Variants in ESRRG observed in about 807,000 individuals in gnomAD.
ESRRG encodes the protein estrogen-related receptor gamma.
In ESRRG, 13 loss-of-function variants were observed where a neutral mutation model predicts 44.0. That is an observed-to-expected ratio of 0.30 (90% CI 0.19 to 0.47). The LOEUF is 0.47. Among genes scored for constraint, ESRRG ranks in the 20% least tolerant of loss-of-function variants. ESRRG has a pLI of 1.00. For missense variants in ESRRG, 395 were observed against 580.6 expected (o/e 0.68, Z 3.29); for synonymous variants, 215 against 214.6 (o/e 1.00, Z -0.02).
At chr1:216,926,752 CT>C (rs1433785029) in intron 2 of ESRRG, among the ~76,000 whole-genome samples, 1 of 152,124 alleles carries the variant, frequency 6.6e-6, no homozygotes, top group Non-Finnish European at 1.5e-5. Flanking sequence ...AATATTTCCC[CT>C]GGGGGATCTG....
chr1:217,085,481 A>ATTTTTTTTTTTTTTTTTTTTT (rs148354268), intron 1 of ESRRG, among the ~76,000 whole-genome samples: 1 of 49,130 alleles, frequency 2.0e-5, no homozygotes, highest in African/African-American at 9.2e-5. Flanking sequence ...TTTTCTTTTC[A>ATTTTTTTTTTTTTTTTTTTTT]TTTTTTTTTT....
At position 217,065,465 on chromosome 1, in the gene ESRRG, T is replaced by C. The variant is rs1335309452; in HGVS notation, c.-106+24042A>G. 3.9e-5 allele frequency among the ~76,000 whole-genome samples: 6 copies of C among 152,372 alleles called. No individual in the cohort carries two copies. The East Asian group carries it at 1.2e-3, about 29-fold the overall frequency. On this transcript the variant is annotated intron_variant, in intron 1 of 7. Transcript: ENST00000359162. ...CTTAGAGAAATTTTACCCATTTCTC[T>C]TTCAAACATGAGGTTTCAGTGGATC...
At chr1:216,848,682 C>T (rs899707926) in intron 2 of ESRRG, among the ~76,000 whole-genome samples, 1 of 152,002 alleles carries the variant, frequency 6.6e-6, no homozygotes, top group Non-Finnish European at 1.5e-5. Flanking sequence ...TGTTGCCTAC[C>T]AATTTGCAGC....
intron 2 of ESRRG, among the ~76,000 whole-genome samples, chr1:216,772,850 ATT>A (rs5742079): frequency 1.8e-4 from 26 of 147,648 alleles, no homozygotes; most frequent in East Asian, 4.0e-4. Context: ...GCACTAGCAC[ATT>A]TTTTTTTTTT....
At position 216,508,515 on chromosome 1, in the gene ESRRG, T is replaced by C. The variant is rs187458500; in HGVS notation, c.1133-1332A>G. ...GAATTTTTCCAAGTGGGAAATAGCA[T>C]TGATAGTGGTTCCCTGGAGCGGGAC... On this transcript the variant is annotated intron_variant, in intron 6 of 6. Transcript: ENST00000408911. 2.2e-3 allele frequency among the ~76,000 whole-genome samples: 335 copies of C among 152,320 alleles called. 1 individual carries two copies. The highest frequency in any genetic ancestry group is 3.3e-3 in the Non-Finnish European group (222 of 68,028).
intron 6 of ESRRG, among the ~76,000 whole-genome samples, chr1:216,510,063 C>G (rs1215055405): frequency 1.3e-5 from 2 of 152,156 alleles, no homozygotes; most frequent in African/African-American, 4.8e-5. Context: ...TAGGAACCAG[C>G]TAAACTTAAT....
chr1:216,948,148 C>A (rs1312494443), intron 1 of ESRRG, among the ~76,000 whole-genome samples: 2 of 152,190 alleles, frequency 1.3e-5, no homozygotes, highest in African/African-American at 4.8e-5. Flanking sequence ...GTTTGATACT[C>A]CAACCACCAC....
intron 1 of ESRRG, among the ~76,000 whole-genome samples, chr1:216,984,455 G>T (rs1269856872): frequency 2.0e-5 from 3 of 152,192 alleles, no homozygotes; most frequent in Non-Finnish European, 4.4e-5. Flanking sequence ...CAATATGGAA[G>T]CTTCTTATAA....
chr1:216,885,210 GTTCAT>G (rs1189758011), intron 2 of ESRRG, among the ~76,000 whole-genome samples: 2 of 150,400 alleles, frequency 1.3e-5, no homozygotes, highest in Non-Finnish European at 2.9e-5. Flanking sequence ...TAAAATCTGT[GTTCAT>G]TTAACATATT....
chr1:216,595,457 A>G (rs2058295315), intron 3 of ESRRG, among the ~76,000 whole-genome samples: 1 of 152,252 alleles, frequency 6.6e-6, no homozygotes, highest in African/African-American at 2.4e-5. Flanking sequence ...GCATTGAGAA[A>G]CATGCACAAA....
chr1:216,921,975 G>A (rs2061902987), intron 2 of ESRRG, among the ~76,000 whole-genome samples: 1 of 152,162 alleles, frequency 6.6e-6, no homozygotes, highest in African/African-American at 2.4e-5. Context: ...GAGGGTGAAG[G>A]TTGTAATCTT....
chr1:216,895,109 G>C (rs985182236), intron 2 of ESRRG, among the ~76,000 whole-genome samples: 2 of 152,076 alleles, frequency 1.3e-5, no homozygotes, highest in South Asian at 4.1e-4. Flanking sequence ...TCTTTAGATA[G>C]ACATCCATAT....
chr1:216,779,258 T>TATAAATATATATTTATATTTATAAAC (rs2093764080), intron 2 of ESRRG, among the ~76,000 whole-genome samples: 1 of 43,030 alleles, frequency 2.3e-5, no homozygotes, highest in Non-Finnish European at 3.8e-5. Context: ...TATTTATAAA[T>TATAAATATATATTTATATTTATAAAC]ATAAATATAT....
intron 2 of ESRRG, among the ~76,000 whole-genome samples, chr1:216,849,838 A>C (rs2095814681): frequency 6.6e-6 from 1 of 152,184 alleles, no homozygotes; most frequent in African/African-American, 2.4e-5. Flanking sequence ...TCTATACTAC[A>C]GTTTTCCCAG....
At chr1:216,720,311 A>C (rs1457271737) in intron 1 of ESRRG, among the ~76,000 whole-genome samples, 1 of 152,082 alleles carries the variant, frequency 6.6e-6, no homozygotes, top group Non-Finnish European at 1.5e-5. Context: ...GTTTACAGAG[A>C]AATCATCTGA....
chr1:216,867,484 G>A (rs1168736687), intron 2 of ESRRG, among the ~76,000 whole-genome samples: 3 of 152,030 alleles, frequency 2.0e-5, no homozygotes, highest in Non-Finnish European at 4.4e-5. Context: ...ATTTGCGTAG[G>A]GGATATTTAA....
Position 216,801,680 on chromosome 1 carries a change from C to T in ESRRG, c.-13-124189G>A, listed in dbSNP as rs11572602. Among the ~76,000 whole-genome samples, 1,188 of 152,208 alleles carry T rather than the reference C, an allele frequency of 7.8e-3. 17 individuals are homozygous for T. The highest frequency in any genetic ancestry group is 0.026 in the African/African-American group (1,090 of 41,544). ...CATTGTGGTTTCGATTTGCATCTCC[C>T]TAATGATTAGTGACGTTGAGTACCT... On this transcript the variant is annotated intron_variant, in intron 2 of 7. Transcript: ENST00000359162.
At chr1:216,879,251 G>A (rs2096404173) in intron 2 of ESRRG, among the ~76,000 whole-genome samples, 1 of 152,050 alleles carries the variant, frequency 6.6e-6, no homozygotes, top group African/African-American at 2.4e-5. Flanking sequence ...CAACTTTTTG[G>A]TAAATGGTTA....
intron 1 of ESRRG, among the ~76,000 whole-genome samples, chr1:217,105,506 G>T (rs566698238): frequency 6.6e-6 from 1 of 152,238 alleles, no homozygotes; most frequent in South Asian, 2.1e-4. Flanking sequence ...TGGTCCGAGT[G>T]CTCAAACCTG....
Sources: allele counts gnomAD v4.1 joint callset (sites outside exome capture counted in the v4.1 genomes callset), GRCh38; gene constraint gnomAD v4.1.1; transcripts MANE v1.5; gene names NCBI Gene and HGNC (gene_info 2026-07-23, HGNC 2026-07-21).